PLCD4: variants seen among roughly 807,000 people sequenced by gnomAD.
PLCD4 encodes the protein phospholipase C delta 4.
Under a neutral mutation model 90.2 loss-of-function variants are expected in PLCD4, and 63 were observed. The observed-to-expected ratio is 0.70, with a 90% CI of 0.57 to 0.86. PLCD4 has a LOEUF of 0.86. Ranked by LOEUF, PLCD4 falls within the 40% of genes least tolerant of loss-of-function variation. The pLI is 0.00. For synonymous variants in PLCD4, 294 were observed against 356.5 expected, an observed-to-expected ratio of 0.82 and a Z score of 1.97; for missense variants, 830 against 956.3, an observed-to-expected ratio of 0.87 and a Z score of 1.74.
At chr2:218,621,360 G>A (rs955706634) in intron 4 of PLCD4, 110 bp from the exon 5 acceptor site, 18 of 1,292,450 alleles carry the variant, frequency 1.4e-5, no homozygotes, top group Admixed American at 3.6e-5. Context: ...TTGGCACCGG[G>A]GAGAGAGACT....
At chr2:218,620,145 G>T (rs1327974976) in intron 4 of PLCD4, among the ~76,000 whole-genome samples, 1 of 152,194 alleles carries the variant, frequency 6.6e-6, no homozygotes, top group East Asian at 1.9e-4. Context: ...CTCCAAAAGT[G>T]CTGGGATTAG....
At chr2:218,623,895 C>T (rs1695994057) in intron 6 of PLCD4, among the ~76,000 whole-genome samples, 1 of 152,160 alleles carries the variant, frequency 6.6e-6, no homozygotes, top group Non-Finnish European at 1.5e-5. Context: ...GTTGGTCAGG[C>T]TGGTCTCGAA....
intron 14 of PLCD4, 44 bp from the exon 15 acceptor site, chr2:218,636,199 A>C: frequency 6.3e-7 from 1 of 1,584,984 alleles, no homozygotes. Flanking sequence ...CAGTCAAGAA[A>C]ACTGTCATAA....
intron 4 of PLCD4, 142 bp downstream of exon 4, chr2:218,618,949 C>A: frequency 1.4e-6 from 1 of 710,956 alleles, no homozygotes; most frequent in South Asian, 1.8e-5. Flanking sequence ...AGGGACAGCT[C>A]AGGCCAATGT....
Position 218,634,287 on chromosome 2 carries a change from GTGATGGTAGGGT to G in PLCD4, c.1723+69_1723+80del, listed in dbSNP as rs910787459. ...CAGCAGGTGGGAAATAAGTTCTCTA[GTGATGGTAGGGT>G]TGGGGAATGCTCAAGAAAATTGCTA... On this transcript the variant is annotated intron_variant, in intron 12 of 15. Transcript: ENST00000450993. The surrounding 1 kb of genome is among the most constrained non-coding windows in gnomAD (Gnocchi z 4.0). The G allele has an allele frequency of 3.7e-5, 59 of 1,574,726 alleles. No individual in the cohort carries two copies. In the Admixed American group the frequency reaches 1.1e-3, roughly 30 times the overall value.
chr2:218,615,122 G>A (rs1299100904), intron 1 of PLCD4, among the ~76,000 whole-genome samples: 1 of 152,114 alleles, frequency 6.6e-6, no homozygotes, highest in African/African-American at 2.4e-5. Flanking sequence ...CAGCTACTCG[G>A]GAGGCCGAGG....
chr2:218,621,444 G>C, intron 4 of PLCD4, 26 bp from the exon 5 acceptor site: 1 of 1,613,486 alleles, frequency 6.2e-7, no homozygotes, highest in African/African-American at 1.3e-5. Context: ...AGATACATTA[G>C]TGCTTTTGCC....
chr2:218,636,795 G>T lies in PLCD4; in HGVS notation c.*218G>T, dbSNP rs1216707946. 3.2e-6 allele frequency: 2 copies of T among 623,916 alleles called. No homozygotes were observed. The highest frequency in any genetic ancestry group is 5.8e-6 in the Non-Finnish European group (2 of 343,898). 38.6% of individuals were successfully genotyped at this position (623,916 alleles called of 1,614,324 possible). On this transcript the variant is annotated 3_prime_UTR_variant, in exon 16 of 16. Transcript: ENST00000450993. The stretch of plus-strand genomic sequence containing the variant: ...CTTCCTTTGTTTTCATAAGCCTTTG[G>T]TATCTTTCCTGCCCTTTTCCTTTGT...
At chr2:218,620,033 G>A (rs1020715371) in intron 4 of PLCD4, among the ~76,000 whole-genome samples, 4 of 152,172 alleles carry the variant, frequency 2.6e-5, no homozygotes, top group Admixed American at 6.5e-5. Context: ...ATGTGCCACC[G>A]CACCTGGCTA....
At chr2:218,610,760 T>G (rs1695296828) in intron 1 of PLCD4, among the ~76,000 whole-genome samples, 1 of 151,896 alleles carries the variant, frequency 6.6e-6, no homozygotes, top group Admixed American at 6.6e-5. Flanking sequence ...AGAGTTTTGC[T>G]TTTGTTGCCC....
In PLCD4 at chr2:218,634,614, A is replaced by G. The variant is rs767387550; in HGVS notation, c.1880A>G (p.Gln627Arg). The part of the protein sequence containing the change: ...PEKPISPFKA[Q>R]TLLIQVISGQ... ...AAGCCCATCAGCCCTTTCAAAGCCC[A>G]GACTCTCTTAATCCAGGTACAGTGG... is the stretch of plus-strand genomic sequence containing the variant. Residue 627 changes from glutamine to arginine, a missense_variant, in exon 13 of 16, where the codon CAG (glutamine) becomes CGG (arginine). Transcript: ENST00000450993. The surrounding 1 kb of genome is among the most constrained non-coding windows in gnomAD (Gnocchi z 4.0). The G allele has an allele frequency of 6.2e-7, 1 of 1,613,936 alleles. No homozygotes were observed. Among genetic ancestry groups the G allele is most frequent in the East Asian group, 2.2e-5 (1 of 44,888 alleles).
At position 218,632,281 on chromosome 2, in the gene PLCD4, A is replaced by G; in HGVS notation, c.1418A>G (p.Glu473Gly). The G allele has an allele frequency of 1.2e-6, 2 of 1,610,994 alleles. No homozygotes were observed. Among genetic ancestry groups the G allele is most frequent in the South Asian group, 1.1e-5 (1 of 90,214 alleles). Residue 473 changes from glutamate (E) to glycine (G), a missense_variant, in exon 10 of 16, where the codon GAG becomes GGG. Glu to Gly is a moderately conservative substitution (Grantham distance 98). Coordinates refer to ENST00000450993, the MANE Select transcript of PLCD4 (RefSeq NM_032726.4). ...TTTGAGACTGAGCCTGAGCCCCAGG[A>G]GCAGAACCTTCAGAATAAGGACAAA... ...SQFETEPEPQEQNLQNKDKKK... is the reference protein window; with the variant it reads ...SQFETEPEPQGQNLQNKDKKK...
intron 1 of PLCD4, among the ~76,000 whole-genome samples, chr2:218,613,392 CAAAAAA>C (rs36096465): frequency 2.6e-5 from 2 of 76,820 alleles, no homozygotes; most frequent in Non-Finnish European, 4.8e-5. Context: ...AGTCTGTCTC[CAAAAAA>C]AAAAAAAAAA....
chr2:218,611,367 G>A (rs1023555225), intron 1 of PLCD4, among the ~76,000 whole-genome samples: 1 of 152,162 alleles, frequency 6.6e-6, no homozygotes, highest in Non-Finnish European at 1.5e-5. Context: ...AGGCACTTGG[G>A]CTCGGTTCTC....
intron 1 of PLCD4, chr2:218,609,161 C>G (rs952574887): frequency 6.8e-6 from 1 of 147,612 alleles, no homozygotes; most frequent in Non-Finnish European, 1.5e-5. Flanking sequence ...AAAAAAAGAA[C>G]CTTCAAGCTC....
intron 1 of PLCD4, among the ~76,000 whole-genome samples, chr2:218,614,954 T>C (rs1695511218): frequency 6.6e-6 from 1 of 151,470 alleles, no homozygotes; most frequent in East Asian, 2.0e-4. Flanking sequence ...TCTGGCCGGG[T>C]GCAGTGGCTC....
chr2:218,633,911 A>G, intron 11 of PLCD4, 150 bp downstream of exon 11: 3 of 1,183,918 alleles, frequency 2.5e-6, no homozygotes, highest in Non-Finnish European at 3.6e-6. Context: ...AGGGCAGAGG[A>G]GTTATGAATA....
At chr2:218,615,141 T>C (rs1259623957) in intron 1 of PLCD4, among the ~76,000 whole-genome samples, 1 of 151,942 alleles carries the variant, frequency 6.6e-6, no homozygotes, top group Non-Finnish European at 1.5e-5. Flanking sequence ...GGCAGGAGAA[T>C]CGCTTGAACT....
intron 14 of PLCD4, 66 bp from the exon 15 acceptor site, chr2:218,636,177 A>G (rs1206840746): frequency 1.3e-6 from 2 of 1,551,520 alleles, no homozygotes; most frequent in Non-Finnish European, 1.8e-6. Context: ...TGAGAACACA[A>G]GAAAAGCAAC....
Sources: allele counts gnomAD v4.1 joint callset (sites outside exome capture counted in the v4.1 genomes callset), GRCh38; gene constraint gnomAD v4.1.1; non-coding constraint Gnocchi (gnomAD v3.1); transcripts MANE v1.5; gene names NCBI Gene and HGNC (gene_info 2026-07-23, HGNC 2026-07-21).